Variants in MIPOL1 observed in about 807,000 individuals in gnomAD.
MIPOL1 encodes the protein mirror-image polydactyly 1.
A neutral mutation model predicts 60.9 loss-of-function variants in MIPOL1; 57 were observed. The ratio of observed to expected loss-of-function variants is 0.94; its 90% CI spans 0.76 to 1.17. The LOEUF is 1.17. MIPOL1 is among the 50% of genes most tolerant of loss of function. The pLI, the probability that MIPOL1 is intolerant of heterozygous loss-of-function variation, is 0.00. For synonymous variants in MIPOL1, 179 were observed against 168.8 expected (o/e 1.06, Z -0.47); for missense variants, 551 against 511.6 (o/e 1.08, Z -0.74).
intron 10 of MIPOL1, among the ~76,000 whole-genome samples, chr14:37,402,964 A>G (rs2093514269): frequency 1.3e-5 from 2 of 152,288 alleles, no homozygotes; most frequent in African/African-American, 4.8e-5. Flanking sequence ...GTTAGGCGGT[A>G]GCCACAACCT....
intron 9 of MIPOL1, among the ~76,000 whole-genome samples, chr14:37,335,115 T>C (rs186132930): frequency 1.3e-5 from 2 of 152,214 alleles, no homozygotes; most frequent in East Asian, 3.9e-4. Context: ...CCATTTTACA[T>C]TTCCACCAAC....
intron 1 of MIPOL1, among the ~76,000 whole-genome samples, chr14:37,213,285 T>G (rs1371491357): frequency 6.6e-6 from 1 of 152,168 alleles, no homozygotes; most frequent in Non-Finnish European, 1.5e-5. Flanking sequence ...GAATTCAAAA[T>G]AGCTGTGTTG....
intron 10 of MIPOL1, among the ~76,000 whole-genome samples, chr14:37,383,490 A>T (rs1566488374): frequency 6.6e-6 from 1 of 151,918 alleles, no homozygotes; most frequent in Non-Finnish European, 1.5e-5. Context: ...CCATCAAAAA[A>T]GTACATTTGT....
At chr14:37,277,369 A>G (rs1476980026) in intron 6 of MIPOL1, 3 of 151,274 alleles carry the variant, frequency 2.0e-5, no homozygotes, top group Non-Finnish European at 3.0e-5. Context: ...TTTTTAAGTT[A>G]TATTTCAAAA....
intron 9 of MIPOL1, among the ~76,000 whole-genome samples, chr14:37,325,158 A>G (rs2089013227): frequency 6.6e-6 from 1 of 152,120 alleles, no homozygotes; most frequent in South Asian, 2.1e-4. Context: ...TTAGTTTTTC[A>G]ATCCATGATA....
At chr14:37,415,952 G>C (rs927910309) in intron 10 of MIPOL1, among the ~76,000 whole-genome samples, 2 of 152,120 alleles carry the variant, frequency 1.3e-5, no homozygotes, top group East Asian at 3.9e-4. Flanking sequence ...CTTGAAAGAA[G>C]ACCAGGATTT....
chr14:37,482,498 G>A (rs2094886653), intron 11 of MIPOL1, among the ~76,000 whole-genome samples: 1 of 152,126 alleles, frequency 6.6e-6, no homozygotes, highest in South Asian at 2.1e-4. Context: ...ATGGCTGAGG[G>A]GGGCCTCAGG....
intron 1 of MIPOL1, among the ~76,000 whole-genome samples, chr14:37,240,942 C>CAT (rs1972258343): frequency 1.6e-5 from 1 of 64,430 alleles, no homozygotes; most frequent in African/African-American, 6.1e-5. Context: ...CACACACATA[C>CAT]ACACACACAC....
intron 7 of MIPOL1, among the ~76,000 whole-genome samples, chr14:37,305,279 A>T (rs112176600): frequency 0.012 from 1,870 of 151,986 alleles, 15 homozygotes; most frequent in Middle Eastern, 0.031. Flanking sequence ...TATGGCAAAT[A>T]TTCCAAATTG....
intron 6 of MIPOL1, among the ~76,000 whole-genome samples, chr14:37,282,639 A>G (rs912422366): frequency 2.0e-5 from 3 of 150,066 alleles, no homozygotes; most frequent in Non-Finnish European, 4.4e-5. Context: ...ATTTGAGACC[A>G]GCCTGGCCAA....
intron 12 of MIPOL1, chr14:37,507,793 CA>C (rs2095292402): frequency 6.6e-6 from 1 of 152,036 alleles, no homozygotes; most frequent in Non-Finnish European, 1.5e-5. Flanking sequence ...CTGAAAAATT[CA>C]CTGTCTCTTC....
At chr14:37,541,338 G>A (rs1482694927) in intron 12 of MIPOL1, among the ~76,000 whole-genome samples, 1 of 152,048 alleles carries the variant, frequency 6.6e-6, no homozygotes, top group African/African-American at 2.4e-5. Flanking sequence ...CTGGAGTCTG[G>A]GTTTAATCAC....
chr14:37,462,346 G>T (rs902510774), intron 11 of MIPOL1, among the ~76,000 whole-genome samples: 5 of 152,174 alleles, frequency 3.3e-5, no homozygotes, highest in African/African-American at 9.7e-5. Context: ...GGGGACCCTG[G>T]GGCTGGCCCA....
chr14:37,459,795 G>A (rs1324796969), intron 11 of MIPOL1, among the ~76,000 whole-genome samples: 3 of 152,070 alleles, frequency 2.0e-5, no homozygotes, highest in Non-Finnish European at 4.4e-5. Flanking sequence ...AACAGGCTGG[G>A]TGGGCGTGGT....
chr14:37,298,250 G>T (rs1366447797), intron 7 of MIPOL1, among the ~76,000 whole-genome samples: 5 of 152,188 alleles, frequency 3.3e-5, no homozygotes, highest in Non-Finnish European at 7.3e-5. Flanking sequence ...TTAGCCATAT[G>T]TGGAAAGCTG....
At chr14:37,429,461 T>A (rs1476442428) in intron 11 of MIPOL1, among the ~76,000 whole-genome samples, 1 of 152,156 alleles carries the variant, frequency 6.6e-6, no homozygotes, top group Non-Finnish European at 1.5e-5. Context: ...TATGGTAAAG[T>A]TGACATTTTA....
chr14:37,402,787 C>G (rs930685592), intron 10 of MIPOL1, among the ~76,000 whole-genome samples: 1 of 152,118 alleles, frequency 6.6e-6, no homozygotes, highest in African/African-American at 2.4e-5. Context: ...CATAGATTTC[C>G]TGGCTTATTT....
chr14:37,353,094 T>G (rs1002580120), intron 9 of MIPOL1, among the ~76,000 whole-genome samples: 3 of 134,568 alleles, frequency 2.2e-5, no homozygotes, highest in African/African-American at 8.4e-5. Flanking sequence ...ATACCTAATT[T>G]ATTGAGAGTT....
intron 11 of MIPOL1, among the ~76,000 whole-genome samples, chr14:37,443,165 T>C (rs1009791284): frequency 8.6e-5 from 13 of 151,960 alleles, no homozygotes; most frequent in African/African-American, 3.1e-4. Flanking sequence ...AATAAACCCA[T>C]AGTGGTCATA....
Sources: gnomAD v4.1 joint callset for allele counts (sites outside exome capture counted in the v4.1 genomes callset) on GRCh38, gnomAD v4.1.1 for gene constraint, MANE v1.5 for transcripts, NCBI Gene and HGNC (gene_info 2026-07-23, HGNC 2026-07-21) for gene names.